SEMA6D: variants seen among roughly 807,000 people sequenced by gnomAD.
The protein encoded by SEMA6D is semaphorin-6D.
SEMA6D carries 35 observed loss-of-function variants against 106.6 expected under a neutral mutation model. That is an observed-to-expected ratio of 0.33 (90% CI 0.25 to 0.44). SEMA6D has a LOEUF of 0.44. Among genes scored for constraint, SEMA6D ranks in the 20% least tolerant of loss-of-function variants. SEMA6D has a pLI of 1.00. For missense variants in SEMA6D, 1,185 were observed against 1,345.9 expected (o/e 0.88, Z 1.87); for synonymous variants, 499 against 487.7 (o/e 1.02, Z -0.31).
At chr15:47,348,720 A>ACAC (rs1567016661) in intron 1 of SEMA6D, among the ~76,000 whole-genome samples, 12 of 24,708 alleles carry the variant, frequency 4.9e-4, no homozygotes, top group African/African-American at 1.1e-3. Context: ...CACACACACC[A>ACAC]CACACACAGA....
chr15:47,296,211 A>C (rs2035796078), intron 1 of SEMA6D, among the ~76,000 whole-genome samples: 1 of 152,176 alleles, frequency 6.6e-6, no homozygotes, highest in Non-Finnish European at 1.5e-5. Flanking sequence ...CCAATGTAGG[A>C]GGTCACAACA....
intron 1 of SEMA6D, among the ~76,000 whole-genome samples, chr15:47,735,343 G>A (rs1452113046): frequency 3.9e-5 from 6 of 152,108 alleles, no homozygotes; most frequent in Non-Finnish European, 8.8e-5. Flanking sequence ...GACTCTCCAA[G>A]ATGCAAGAAA....
chr15:47,586,756 C>T (rs1321328125), intron 3 of SEMA6D, among the ~76,000 whole-genome samples: 1 of 152,022 alleles, frequency 6.6e-6, no homozygotes, highest in Non-Finnish European at 1.5e-5. Flanking sequence ...TCCTGTAGAA[C>T]GTATTCACAA....
At chr15:47,399,028 C>G (rs1291144794) in intron 1 of SEMA6D, among the ~76,000 whole-genome samples, 1 of 152,164 alleles carries the variant, frequency 6.6e-6, no homozygotes, top group Non-Finnish European at 1.5e-5. Flanking sequence ...TATGAGCCAC[C>G]ACCTTGCCCA....
intron 4 of SEMA6D, among the ~76,000 whole-genome samples, chr15:47,706,700 T>TCC (rs2078918568): frequency 6.6e-6 from 1 of 152,132 alleles, no homozygotes; most frequent in South Asian, 2.1e-4. Context: ...TCTGGACCTC[T>TCC]CTCTCTCTCT....
At chr15:47,533,544 G>T (rs2045049473) in intron 3 of SEMA6D, among the ~76,000 whole-genome samples, 1 of 152,164 alleles carries the variant, frequency 6.6e-6, no homozygotes, top group Admixed American at 6.6e-5. Flanking sequence ...ACTTTCTCTA[G>T]GGTGTGTGGG....
chr15:47,194,071 ATGGATGGGTGGATGGG>A (rs958226408), intron 1 of SEMA6D, among the ~76,000 whole-genome samples: 1 of 143,094 alleles, frequency 7.0e-6, no homozygotes, highest in South Asian at 2.5e-4. Context: ...AGGTGGATGG[ATGGATGGGTGGATGGG>A]TGGATGGGTG....
exon 1 of SEMA6D, chr15:47,184,404 G>A (rs1428274550): frequency 6.6e-6 from 1 of 152,456 alleles, no homozygotes; most frequent in African/African-American, 2.4e-5. Context: ...GTCAGGCTGA[G>A]CCTTCGGCCC....
chr15:47,424,790 A>G (rs920608129), intron 2 of SEMA6D, among the ~76,000 whole-genome samples: 1 of 152,166 alleles, frequency 6.6e-6, no homozygotes, highest in Admixed American at 6.6e-5. Context: ...ATAGATTAAC[A>G]GGAGCAAAAG....
At chr15:47,654,272 T>C (rs2077749742) in intron 4 of SEMA6D, among the ~76,000 whole-genome samples, 1 of 152,214 alleles carries the variant, frequency 6.6e-6, no homozygotes, top group African/African-American at 2.4e-5. Context: ...GCCAACTCCC[T>C]GGTGCAGTCA....
At chr15:47,665,752 G>T (rs997661468) in intron 4 of SEMA6D, among the ~76,000 whole-genome samples, 1 of 152,220 alleles carries the variant, frequency 6.6e-6, no homozygotes, top group Non-Finnish European at 1.5e-5. Flanking sequence ...GGAGGTTGCA[G>T]TGAGCCAAGA....
chr15:47,230,852 C>G (rs1196631889), intron 1 of SEMA6D, among the ~76,000 whole-genome samples: 1 of 152,008 alleles, frequency 6.6e-6, no homozygotes, highest in East Asian at 1.9e-4. Flanking sequence ...CAATGGTTCC[C>G]TGTGTTTTTA....
intron 4 of SEMA6D, among the ~76,000 whole-genome samples, chr15:47,691,674 G>A (rs2078589479): frequency 1.3e-5 from 2 of 152,088 alleles, no homozygotes; most frequent in South Asian, 2.1e-4. Context: ...TCTTTTGGGA[G>A]ATGGGATAGA....
chr15:47,451,273 A>G (rs2042183521), intron 2 of SEMA6D, among the ~76,000 whole-genome samples: 1 of 152,006 alleles, frequency 6.6e-6, no homozygotes, highest in South Asian at 2.1e-4. Flanking sequence ...CCAAAATCGA[A>G]TGCAAAATGG....
chr15:47,457,977 C>G (rs1164164443), intron 2 of SEMA6D, among the ~76,000 whole-genome samples: 1 of 151,586 alleles, frequency 6.6e-6, no homozygotes, highest in Non-Finnish European at 1.5e-5. Context: ...ACAATGCAAG[C>G]CAGAAGACAG....
rs193061659 is a variant in SEMA6D, at chr15:47,667,762, T to C, written c.-55+66866T>C. On this transcript the variant is annotated intron_variant, in intron 4 of 19. Coordinates refer to the SEMA6D transcript ENST00000558014. ...GCACTCACCTCCCAAAGGCCCCACC[T>C]CCAAATACCAGCCCATTAAGGATCA... 2.2e-3 allele frequency among the ~76,000 whole-genome samples: 337 copies of C among 152,172 alleles called. 4 individuals carry two copies. The highest frequency in any genetic ancestry group is 7.4e-3 in the African/African-American group (306 of 41,522).
intron 1 of SEMA6D, among the ~76,000 whole-genome samples, chr15:47,368,221 C>T (rs1373556683): frequency 5.3e-5 from 8 of 152,212 alleles, no homozygotes; most frequent in Admixed American, 5.2e-4. Context: ...TCTGCCCATG[C>T]AGTGATTCAG....
At chr15:47,383,872 A>G (rs897263624) in intron 1 of SEMA6D, among the ~76,000 whole-genome samples, 1 of 152,136 alleles carries the variant, frequency 6.6e-6, no homozygotes, top group Non-Finnish European at 1.5e-5. Context: ...TCTCATAACA[A>G]TTGTTCATTG....
chr15:47,252,676 C>T (rs1467204252), intron 1 of SEMA6D, among the ~76,000 whole-genome samples: 3 of 152,156 alleles, frequency 2.0e-5, no homozygotes, highest in Admixed American at 2.0e-4. Context: ...ACTTATTTCA[C>T]TTAACATTAT....
Sources: allele counts gnomAD v4.1 joint callset (sites outside exome capture counted in the v4.1 genomes callset), GRCh38; gene constraint gnomAD v4.1.1; transcripts MANE v1.5; gene names NCBI Gene and HGNC (gene_info 2026-07-23, HGNC 2026-07-21).